The following CNTN4 variants were observed in gnomAD, a reference collection of about 807,000 sequenced individuals.
The protein encoded by CNTN4 is contactin 4.
CNTN4 carries 77 observed loss-of-function variants against 122.5 expected under a neutral mutation model. The ratio of observed to expected loss-of-function variants is 0.63; its 90% confidence interval spans 0.52 to 0.76. CNTN4 has a LOEUF of 0.76. CNTN4 is among the 30% of genes least tolerant of loss of function. The pLI is 0.00. For missense variants in CNTN4, 1,256 were observed against 1,259.1 expected (o/e 1.00, Z 0.04); for synonymous variants, 512 against 447.0 (o/e 1.15, Z -1.83).
chr3:2,681,229 A>T (rs777918219), intron 4 of CNTN4, among the ~76,000 whole-genome samples: 1 of 152,148 alleles, frequency 6.6e-6, no homozygotes, highest in Non-Finnish European at 1.5e-5. Context: ...TAGTAATACC[A>T]TGGGGCAGGA....
chr3:2,970,877 T>A (rs1166613801), intron 13 of CNTN4, among the ~76,000 whole-genome samples: 2 of 152,266 alleles, frequency 1.3e-5, no homozygotes, highest in East Asian at 3.9e-4. Flanking sequence ...AACCTCCGCC[T>A]CCTGGGTTCA....
chr3:2,751,641 T>C (rs2149607521), intron 6 of CNTN4, among the ~76,000 whole-genome samples: 1 of 152,280 alleles, frequency 6.6e-6, no homozygotes, highest in South Asian at 2.1e-4. Context: ...AGAGCTTGTG[T>C]CTATACAGAA....
At chr3:2,802,339 G>A (rs78797996) in intron 6 of CNTN4, among the ~76,000 whole-genome samples, 2,195 of 152,256 alleles carry the variant, frequency 0.014, 49 homozygotes, top group African/African-American at 0.05. Context: ...CTGCCTTCTC[G>A]TTTGAGCTCT....
chr3:2,672,420 G>A (rs372273158), intron 4 of CNTN4, among the ~76,000 whole-genome samples: 30 of 152,332 alleles, frequency 2.0e-4, no homozygotes, highest in East Asian at 1.9e-3. Context: ...AGCCATGCGC[G>A]GGATATAATC....
At chr3:2,423,070 A>C (rs1471875324) in intron 3 of CNTN4, among the ~76,000 whole-genome samples, 2 of 152,198 alleles carry the variant, frequency 1.3e-5, no homozygotes, top group African/African-American at 4.8e-5. Flanking sequence ...ACTTAGAATG[A>C]ACTTCAACAG....
At chr3:2,852,599 A>C (rs533904413) in intron 7 of CNTN4, among the ~76,000 whole-genome samples, 2 of 151,990 alleles carry the variant, frequency 1.3e-5, no homozygotes, top group African/African-American at 4.8e-5. Flanking sequence ...TGATCCCCCA[A>C]CCCTCCTATG....
chr3:3,004,760 C>A (rs1696445718), intron 14 of CNTN4, among the ~76,000 whole-genome samples: 1 of 152,230 alleles, frequency 6.6e-6, no homozygotes, highest in South Asian at 2.1e-4. Flanking sequence ...CCAATGAGAA[C>A]CCCAGTGTCT....
intron 10 of CNTN4, among the ~76,000 whole-genome samples, chr3:2,896,988 G>C (rs1490974765): frequency 3.6e-5 from 5 of 139,126 alleles, no homozygotes; most frequent in Non-Finnish European, 7.6e-5. Flanking sequence ...AAATTTCTAA[G>C]GCCTAAGGCA....
rs921293526 is a variant in CNTN4 at position 2,339,198 on chromosome 3, C to T, written c.-124C>T. The T allele has an allele frequency of 6.6e-6, 1 of 152,066 alleles. No homozygotes were observed. Among genetic ancestry groups the T allele is most frequent in the Non-Finnish European group, 1.5e-5 (1 of 67,992 alleles). The allele number at this position is 152,066 out of a possible 1,614,324, so 9.4% of individuals were successfully genotyped here. A position where few individuals can be genotyped will look rare whatever the true frequency, so the allele number is the denominator to read the frequency against. ...TCTAGGAATCATTGACATAGAGTAA[C>T]TCCACAGCATGTGTCTTCAAGAGCT... On this transcript the variant is annotated 5_prime_UTR_variant, in exon 3 of 25. Coordinates refer to ENST00000418658, the MANE Select transcript of CNTN4 (RefSeq NM_175607.3).
At chr3:2,965,002 T>C (rs1577426886) in intron 13 of CNTN4, among the ~76,000 whole-genome samples, 1 of 152,202 alleles carries the variant, frequency 6.6e-6, no homozygotes, top group African/African-American at 2.4e-5. Flanking sequence ...TACCAGGTTT[T>C]CTGATGTGTA....
intron 12 of CNTN4, among the ~76,000 whole-genome samples, chr3:2,919,784 G>T (rs1363659804): frequency 3.9e-5 from 6 of 152,164 alleles, no homozygotes; most frequent in Non-Finnish European, 8.8e-5. Context: ...TATATGGATA[G>T]GATGGGTCAA....
intron 2 of CNTN4, among the ~76,000 whole-genome samples, chr3:2,215,072 A>T (rs1399974340): frequency 6.6e-6 from 1 of 152,246 alleles, no homozygotes. Context: ...TAAACTACAG[A>T]TACAAACATA....
At chr3:2,102,766 A>G (rs986040602) in intron 2 of CNTN4, among the ~76,000 whole-genome samples, 2 of 152,302 alleles carry the variant, frequency 1.3e-5, no homozygotes, top group Non-Finnish European at 2.9e-5. Context: ...GTACGTTACT[A>G]TTAAGGAGGC....
At chr3:2,961,064 A>T (rs1247154146) in intron 13 of CNTN4, among the ~76,000 whole-genome samples, 1 of 143,626 alleles carries the variant, frequency 7.0e-6, no homozygotes, top group South Asian at 2.3e-4. Context: ...CCCCGTCTCT[A>T]CTAAAAATAC....
intron 2 of CNTN4, among the ~76,000 whole-genome samples, chr3:2,167,427 C>T (rs2036245089): frequency 6.6e-6 from 1 of 152,004 alleles, no homozygotes; most frequent in Non-Finnish European, 1.5e-5. Flanking sequence ...GCTATTTTTA[C>T]CAAAAAATCC....
In CNTN4 at chr3:3,007,077, T is replaced by C. The variant is rs185097854; in HGVS notation, c.1486+18605T>C. ...TGTAGCAGCACTGAAGTCTGAGAAA[T>C]TAGTCACTCTCCTCCTAGAAAAAGT... On this transcript the variant is annotated intron_variant, in intron 14 of 24. Coordinates refer to ENST00000418658, the MANE Select transcript of CNTN4 (RefSeq NM_175607.3). Among the ~76,000 whole-genome samples, 448 of 152,298 alleles carry C rather than the reference T, an allele frequency of 2.9e-3. 4 individuals carry two copies. Among genetic ancestry groups the C allele is most frequent in the Non-Finnish European group, 2.8e-3 (190 of 68,024 alleles).
At chr3:2,593,916 T>C (rs535417115) in intron 4 of CNTN4, among the ~76,000 whole-genome samples, 2 of 152,326 alleles carry the variant, frequency 1.3e-5, no homozygotes, top group East Asian at 1.9e-4. Context: ...TATAAAATCA[T>C]ATATTTCAGT....
intron 14 of CNTN4, among the ~76,000 whole-genome samples, chr3:2,999,457 T>C (rs1695831822): frequency 6.6e-6 from 1 of 152,152 alleles, no homozygotes; most frequent in Non-Finnish European, 1.5e-5. Context: ...ACTGGGTAAC[T>C]TGTGAACAAT....
At chr3:2,169,683 C>T (rs1456036065) in intron 2 of CNTN4, among the ~76,000 whole-genome samples, 2 of 152,128 alleles carry the variant, frequency 1.3e-5, no homozygotes, top group Non-Finnish European at 2.9e-5. Context: ...AGGCGTGAGC[C>T]ACCGCGCCCG....
Sources: gnomAD v4.1 joint callset for allele counts (sites outside exome capture counted in the v4.1 genomes callset) on GRCh38, gnomAD v4.1.1 for gene constraint, MANE v1.5 for transcripts, NCBI Gene and HGNC (gene_info 2026-07-23, HGNC 2026-07-21) for gene names.